Variants in PLEKHA7 observed in about 807,000 individuals in gnomAD.
PLEKHA7 encodes the protein pleckstrin homology domain-containing family A member 7.
A neutral mutation model predicts 170.0 loss-of-function variants in PLEKHA7; 104 were observed. That is an observed-to-expected ratio of 0.61 (90% CI 0.52 to 0.72). The LOEUF (loss-of-function observed/expected upper bound fraction) is 0.72, where lower values mean the gene tolerates loss of function less well. Ranked by LOEUF, PLEKHA7 falls within the 30% of genes least tolerant of loss-of-function variation. The pLI, the probability that PLEKHA7 is intolerant of heterozygous loss-of-function variation, is 0.00. For synonymous variants in PLEKHA7, 648 were observed against 660.8 expected, an observed-to-expected ratio of 0.98 and a Z score of 0.30; for missense variants, 1,615 against 1,671.7, an observed-to-expected ratio of 0.97 and a Z score of 0.59.
chr11:16,861,947 A>C (rs1229432676), intron 4 of PLEKHA7, among the ~76,000 whole-genome samples: 1 of 152,146 alleles, frequency 6.6e-6, no homozygotes, highest in Non-Finnish European at 1.5e-5. Flanking sequence ...GCACAATGAA[A>C]ACTAGGAAAC....
chr11:16,859,515 G>A (rs948399018), intron 4 of PLEKHA7, among the ~76,000 whole-genome samples: 1 of 152,248 alleles, frequency 6.6e-6, no homozygotes, highest in African/African-American at 2.4e-5. Context: ...GTAATGAGCA[G>A]TGGGACATCA....
chr11:16,973,699 T>C (rs1476523386), intron 3 of PLEKHA7, among the ~76,000 whole-genome samples: 4 of 152,192 alleles, frequency 2.6e-5, no homozygotes, highest in African/African-American at 9.6e-5. Context: ...CTTCCTATGA[T>C]GGGCCCTATG....
At chr11:16,863,180 C>G (rs1380545899) in intron 4 of PLEKHA7, among the ~76,000 whole-genome samples, 2 of 152,138 alleles carry the variant, frequency 1.3e-5, no homozygotes, top group East Asian at 3.9e-4. Context: ...TGAGTCTCAC[C>G]CTGCAACCTG....
chr11:16,814,792 T>C (rs551836586), intron 12 of PLEKHA7, among the ~76,000 whole-genome samples: 1 of 152,262 alleles, frequency 6.6e-6, no homozygotes, highest in African/African-American at 2.4e-5. Context: ...ACCATCCAGA[T>C]AAGAGAGGGC....
At chr11:16,806,868 A>T (rs1392335702) in intron 13 of PLEKHA7, among the ~76,000 whole-genome samples, 5 of 152,204 alleles carry the variant, frequency 3.3e-5, no homozygotes, top group Admixed American at 1.3e-4. Context: ...ACACGTGATG[A>T]TGGAAACACA....
chr11:16,848,067 G>C (rs772589340), intron 8 of PLEKHA7, among the ~76,000 whole-genome samples: 2 of 152,134 alleles, frequency 1.3e-5, no homozygotes, highest in South Asian at 2.1e-4. Context: ...CCCAGGGAAG[G>C]GATGGTGGTG....
At chr11:16,841,413 G>T (rs936021716) in intron 9 of PLEKHA7, 134 bp downstream of exon 9, 16 of 1,012,950 alleles carry the variant, frequency 1.6e-5, no homozygotes, top group Non-Finnish European at 2.1e-5. Context: ...TTTGTTTAAT[G>T]AAGAAAGTTT....
intron 3 of PLEKHA7, among the ~76,000 whole-genome samples, chr11:16,914,804 G>A (rs1372421085): frequency 1.3e-5 from 2 of 152,150 alleles, no homozygotes; most frequent in Admixed American, 6.5e-5. Flanking sequence ...TGGAGGTTAC[G>A]GAACTCCAGC....
At chr11:16,916,080 T>C (rs901731828) in intron 3 of PLEKHA7, among the ~76,000 whole-genome samples, 3 of 151,884 alleles carry the variant, frequency 2.0e-5, no homozygotes, top group Non-Finnish European at 2.9e-5. Flanking sequence ...TGGTATCTCA[T>C]TGTGGTTTTG....
intron 8 of PLEKHA7, among the ~76,000 whole-genome samples, chr11:16,844,377 A>G (rs1052952582): frequency 2.6e-5 from 4 of 152,196 alleles, no homozygotes; most frequent in African/African-American, 9.7e-5. Flanking sequence ...GACTCTGAAG[A>G]GCAGATTCCA....
intron 3 of PLEKHA7, among the ~76,000 whole-genome samples, chr11:16,879,364 C>T (rs893061927): frequency 6.6e-6 from 1 of 152,158 alleles, no homozygotes; most frequent in South Asian, 2.1e-4. Flanking sequence ...AGACACATCA[C>T]CTTCAGGGAG....
Position 16,791,221 on chromosome 11 carries a change from C to T in PLEKHA7, c.2746-22G>A. ...CTTCCTGCTGAGAAAGAGAACCAGA[C>T]CAGTGGTCAGCGAGACGGAGCTGGA... is the stretch of plus-strand genomic sequence containing the variant. On this transcript the variant is annotated intron_variant, in intron 19 of 26. Coordinates refer to ENST00000531066, the MANE Select transcript of PLEKHA7 (RefSeq NM_001329630.2). This position sits in a 1 kb window ranked among gnomAD's most constrained non-coding sequence, Gnocchi z 4.5. 1 of 1,562,846 alleles carries T rather than the reference C, an allele frequency of 6.4e-7. No homozygotes were observed. Among genetic ancestry groups the T allele is most frequent in the Non-Finnish European group, 8.7e-7 (1 of 1,153,876 alleles).
rs1022187510 is a variant in PLEKHA7, at chr11:16,880,665, G to A, written c.222-9483C>T. ...TCACCTGGCAGGCAAAGTGGTTTAA[G>A]ATCAAGAGGCACCTTCCACCAGCCA... On this transcript the variant is annotated intron_variant, in intron 3 of 26. Transcript: ENST00000531066. 3.3e-5 allele frequency among the ~76,000 whole-genome samples: 5 copies of A among 152,162 alleles called. No individual in the cohort carries two copies. In the East Asian group the frequency reaches 9.6e-4, roughly 29 times the overall value.
chr11:17,005,156 C>T (rs1405398479), intron 3 of PLEKHA7, among the ~76,000 whole-genome samples: 3 of 152,186 alleles, frequency 2.0e-5, no homozygotes, highest in African/African-American at 4.8e-5. Flanking sequence ...CCCCTGCACA[C>T]GTTTCTGTTT....
intron 17 of PLEKHA7, among the ~76,000 whole-genome samples, chr11:16,799,234 T>C (rs1189996487): frequency 5.3e-5 from 8 of 152,308 alleles, no homozygotes; most frequent in Admixed American, 6.5e-5. Flanking sequence ...AAAAAGTGAG[T>C]TGCCAAATAA....
chr11:16,914,630 T>A (rs955105883), intron 3 of PLEKHA7, among the ~76,000 whole-genome samples: 2 of 152,164 alleles, frequency 1.3e-5, no homozygotes, highest in Non-Finnish European at 2.9e-5. Context: ...AAATGTGGAA[T>A]CCTGCAAAGA....
intron 3 of PLEKHA7, among the ~76,000 whole-genome samples, chr11:16,985,394 C>T (rs1863662625): frequency 6.6e-6 from 1 of 152,188 alleles, no homozygotes; most frequent in Admixed American, 6.5e-5. Flanking sequence ...ATACACAAAA[C>T]TGAACTAGAA....
intron 3 of PLEKHA7, among the ~76,000 whole-genome samples, chr11:16,946,332 C>A (rs1372703183): frequency 6.6e-6 from 1 of 152,170 alleles, no homozygotes; most frequent in Non-Finnish European, 1.5e-5. Context: ...GGACTGGACA[C>A]CCCACCCACC....
At chr11:16,815,029 T>C (rs1240375806) in intron 12 of PLEKHA7, 1 of 152,576 alleles carries the variant, frequency 6.6e-6, no homozygotes, top group East Asian at 1.9e-4. Context: ...CACCACAGAG[T>C]GTCTGGCAGT....
Sources: gnomAD v4.1 joint callset for allele counts (sites outside exome capture counted in the v4.1 genomes callset) on GRCh38, gnomAD v4.1.1 for gene constraint, Gnocchi (gnomAD v3.1) non-coding constraint, MANE v1.5 for transcripts, NCBI Gene and HGNC (gene_info 2026-07-23, HGNC 2026-07-21) for gene names.